The following ESR1 variants were observed in gnomAD, a reference collection of about 807,000 sequenced individuals.
ESR1 encodes estrogen receptor.
A neutral mutation model predicts 52.7 loss-of-function variants in ESR1; 12 were observed. That is an observed-to-expected ratio of 0.23 (90% confidence interval 0.15 to 0.37). ESR1 has a LOEUF of 0.37. ESR1 is among the 10% of genes least tolerant of loss of function. The pLI, the probability that ESR1 is intolerant of heterozygous loss-of-function variation, is 1.00. For missense variants in ESR1, 584 were observed against 779.7 expected, an observed-to-expected ratio of 0.75 and a Z score of 2.99; for synonymous variants, 305 against 316.8, an observed-to-expected ratio of 0.96 and a Z score of 0.39.
At chr6:152,090,509 C>T (rs755830178) in intron 6 of ESR1, among the ~76,000 whole-genome samples, 2 of 152,174 alleles carry the variant, frequency 1.3e-5, no homozygotes, top group African/African-American at 2.4e-5. Context: ...TTAGATGTGT[C>T]CCCCATCTCC....
chr6:151,722,480 C>T (rs1312900444), intron 2 of ESR1, among the ~76,000 whole-genome samples: 3 of 152,158 alleles, frequency 2.0e-5, no homozygotes, highest in African/African-American at 4.8e-5. Flanking sequence ...AAAAACTGTC[C>T]AAAGCTTTGT....
chr6:151,883,215 G>A (rs1793248635), intron 3 of ESR1, among the ~76,000 whole-genome samples: 1 of 151,760 alleles, frequency 6.6e-6, no homozygotes, highest in Non-Finnish European at 1.5e-5. Flanking sequence ...CACCTCCCAG[G>A]TTCAGGCGAT....
intron 2 of ESR1, among the ~76,000 whole-genome samples, chr6:151,783,821 T>C (rs1046885991): frequency 6.6e-5 from 10 of 152,210 alleles, no homozygotes; most frequent in Non-Finnish European, 4.4e-5. Flanking sequence ...GAATACCACA[T>C]TACATTCTGT....
In ESR1 at chr6:152,101,626, G is replaced by T. The variant is rs781546732; in HGVS notation, c.*2660G>T. On this transcript the variant is annotated 3_prime_UTR_variant, in exon 8 of 8. Transcript: ENST00000206249. ...AGCAGATATTTTCTGGCTGATGTTG[G>T]TATTGGGTGTAGGAACATGATTTAA... is the stretch of plus-strand genomic sequence containing the variant. 1.0e-4 allele frequency: 23 copies of T among 230,630 alleles called. No homozygotes were observed. Among genetic ancestry groups the T allele is most frequent in the Non-Finnish European group, 1.6e-4 (19 of 116,656 alleles). The allele number at this position is 230,630 out of a possible 1,614,324, so 14.3% of individuals were successfully genotyped here.
intron 6 of ESR1, among the ~76,000 whole-genome samples, chr6:152,111,464 C>T (rs1241962773): frequency 6.6e-6 from 1 of 152,198 alleles, no homozygotes; most frequent in Non-Finnish European, 1.5e-5. Flanking sequence ...CTAGGCCTTT[C>T]TGCGGACCTG....
intron 6 of ESR1, among the ~76,000 whole-genome samples, chr6:152,081,191 T>C (rs9479214): frequency 0.21 from 32,065 of 151,918 alleles, 4,781 homozygotes; most frequent in African/African-American, 0.41. Context: ...AGCACCACAT[T>C]GCACTTATTT....
chr6:151,776,667 G>A (rs1484452941), intron 2 of ESR1, among the ~76,000 whole-genome samples: 1 of 152,066 alleles, frequency 6.6e-6, no homozygotes, highest in Non-Finnish European at 1.5e-5. Context: ...GTGAAACCAT[G>A]CCTCTACTAA....
At chr6:151,724,068 T>G (rs1781662335) in intron 2 of ESR1, among the ~76,000 whole-genome samples, 1 of 151,958 alleles carries the variant, frequency 6.6e-6, no homozygotes, top group South Asian at 2.1e-4. Flanking sequence ...CCCACGCCTG[T>G]GGGGGCAGGG....
chr6:151,947,329 TAAA>T (rs1382989484), intron 4 of ESR1, among the ~76,000 whole-genome samples: 1 of 151,788 alleles, frequency 6.6e-6, no homozygotes, highest in Non-Finnish European at 1.5e-5. Flanking sequence ...AATAAATAAA[TAAA>T]GAAGGAAATA....
rs767795263 is a variant in ESR1, at chr6:152,060,426, G to A, written c.1236-565G>A. Among the ~76,000 whole-genome samples, 5 of 152,006 alleles carry A rather than the reference G, an allele frequency of 3.3e-5. No homozygotes were observed. In the East Asian group the frequency reaches 5.8e-4, roughly 18 times the overall value. On this transcript the variant is annotated intron_variant, in intron 5 of 7. Transcript: ENST00000206249. ...ATGAAACCCTACATTATCTTAAAGC[G>A]TCCACTCGAATGCCACCTACTTATA...
chr6:152,031,800 A>T (rs1462388925), intron 5 of ESR1, among the ~76,000 whole-genome samples: 1 of 152,232 alleles, frequency 6.6e-6, no homozygotes, highest in Non-Finnish European at 1.5e-5. Flanking sequence ...TGAGGCCAGC[A>T]TCATCCTGAT....
intron 1 of ESR1, among the ~76,000 whole-genome samples, chr6:151,673,824 G>A (rs1490594328): frequency 6.6e-6 from 1 of 152,122 alleles, no homozygotes; most frequent in African/African-American, 2.4e-5. Flanking sequence ...TGAGGTTGCA[G>A]TGAGCCATGA....
intron 2 of ESR1, among the ~76,000 whole-genome samples, chr6:151,746,064 A>G (rs1359608552): frequency 6.6e-6 from 1 of 152,128 alleles, no homozygotes; most frequent in Non-Finnish European, 1.5e-5. Context: ...GGGCTGAATA[A>G]TACTCCATTT....
chr6:151,868,921 G>A (rs1412486309), intron 2 of ESR1, among the ~76,000 whole-genome samples: 2 of 152,118 alleles, frequency 1.3e-5, no homozygotes, highest in East Asian at 3.9e-4. Context: ...AGTGTACAAG[G>A]GAACGTTCAG....
intron 5 of ESR1, among the ~76,000 whole-genome samples, chr6:152,018,508 A>G (rs1274613162): frequency 6.6e-6 from 1 of 151,772 alleles, no homozygotes; most frequent in Non-Finnish European, 1.5e-5. Context: ...ACCTCCCTTT[A>G]TATTCCCTCT....
chr6:151,679,668 G>C lies in ESR1; in HGVS notation n.74-22207G>C, dbSNP rs116039387. On this transcript the variant is annotated intron_variant and non_coding_transcript_variant, in intron 1 of 2. Coordinates refer to the ESR1 transcript ENST00000473497. Reference sequence around the variant, plus strand: ...AGCCAACCCCTTTTGGCTGGCCCATGAGGCCCCACACACCTTAGCATTCCT... The same window carrying C: ...AGCCAACCCCTTTTGGCTGGCCCATCAGGCCCCACACACCTTAGCATTCCT... Among the ~76,000 whole-genome samples, 944 of 152,240 alleles carry C rather than the reference G, an allele frequency of 6.2e-3. 12 individuals are homozygous for C. The highest frequency in any genetic ancestry group is 0.022 in the African/African-American group (905 of 41,556).
rs1412478387 is a variant in ESR1, at chr6:151,953,822, T to G, written c.1096+9314T>G. ...TATAACTCCCTCTGTAACCGATAAC[T>G]TTCTAGAGAAAGCTCACTGAATATA... On this transcript the variant is annotated intron_variant, in intron 4 of 7. Transcript: ENST00000206249. 6.6e-5 allele frequency among the ~76,000 whole-genome samples: 10 copies of G among 152,304 alleles called. No homozygotes were observed. The East Asian group carries it at 1.9e-3, about 29-fold the overall frequency.
intron 2 of ESR1, among the ~76,000 whole-genome samples, chr6:151,758,506 A>G (rs1164762376): frequency 6.6e-6 from 1 of 152,156 alleles, no homozygotes; most frequent in Admixed American, 6.5e-5. Flanking sequence ...CATGCCTGTA[A>G]TCCCAGCACT....
Position 151,880,663 on chromosome 6 carries a change from G to T in ESR1, c.652G>T (p.Asp218Tyr). 1 of 1,591,676 alleles carries T rather than the reference G, an allele frequency of 6.3e-7. No individual in the cohort carries two copies. The highest frequency in any genetic ancestry group is 8.6e-7 in the Non-Finnish European group (1 of 1,159,536). The change falls in exon 3 of 8, where the codon GAC becomes TAC. Residue 218 changes from aspartate (D) to tyrosine (Y), a missense_variant. Around this residue, in one of 6 missense-constraint regions of ESR1, gnomAD observed 25 missense variants for 53.0 expected, o/e 0.47. Coordinates refer to ENST00000206249, the MANE Select transcript of ESR1 (RefSeq NM_000125.4). The stretch of plus-strand genomic sequence containing the variant: ...CCTCTTGCTTTTAATAGGACATAAC[G>T]ACTATATGTGTCCAGCCACCAACCA... ...FFKRSIQGHN[D>Y]YMCPATNQCT...
Sources: gnomAD v4.1 joint callset for allele counts (sites outside exome capture counted in the v4.1 genomes callset) on GRCh38, gnomAD v4.1.1 for gene constraint, gnomAD v4.1.1 regional missense constraint, MANE v1.5 for transcripts, NCBI Gene and HGNC (gene_info 2026-07-23, HGNC 2026-07-21) for gene names.